Variants in AGAP1 observed in about 807,000 individuals in gnomAD.
AGAP1 encodes the protein ArfGAP with GTPase domain, ankyrin repeat and PH domain 1, also known as arf-GAP with GTPase, ANK repeat and PH domain-containing protein 1.
A neutral mutation model predicts 105.3 loss-of-function variants in AGAP1; 29 were observed. The ratio of observed to expected loss-of-function variants is 0.28; its 90% CI spans 0.21 to 0.38. AGAP1 has a LOEUF of 0.38. Ranked by LOEUF, AGAP1 falls within the 10% of genes least tolerant of loss-of-function variation. AGAP1 has a pLI of 1.00. For missense variants in AGAP1, 998 were observed against 1,165.1 expected (o/e 0.86, Z 2.09); for synonymous variants, 509 against 485.9 (o/e 1.05, Z -0.63).
chr2:235,860,483 T>G (rs1324180438), intron 9 of AGAP1, among the ~76,000 whole-genome samples: 1 of 152,208 alleles, frequency 6.6e-6, no homozygotes, highest in African/African-American at 2.4e-5. Flanking sequence ...CAGATACGTA[T>G]TTTATTAATG....
intron 9 of AGAP1, among the ~76,000 whole-genome samples, chr2:235,810,833 CTTTTTTTTTT>C (rs76910320): frequency 2.7e-4 from 30 of 113,126 alleles, no homozygotes; most frequent in African/African-American, 9.9e-4. Context: ...AATTCGGTTT[CTTTTTTTTTT>C]TTTTTTTTTT....
chr2:235,650,507 T>C (rs977040777), intron 1 of AGAP1, among the ~76,000 whole-genome samples: 1 of 152,162 alleles, frequency 6.6e-6, no homozygotes, highest in Non-Finnish European at 1.5e-5. Context: ...TTGAGCATGC[T>C]CTGTTTCAGT....
rs2052505791 is a variant in AGAP1 at position 235,927,411 on chromosome 2, G to A, written c.1325-3354G>A. ...ATTGGACTTGTCCTTGTATTTTGAT[G>A]GACAGACAGAAGTTTGAAAACCAGT... On this transcript the variant is annotated intron_variant, in intron 11 of 17. Transcript: ENST00000304032. This position sits in a 1 kb window ranked among gnomAD's most constrained non-coding sequence, Gnocchi z 4.4. 6.6e-6 allele frequency among the ~76,000 whole-genome samples: 1 copy of A among 152,168 alleles called. No homozygotes were observed. Among genetic ancestry groups the A allele is most frequent in the African/African-American group, 2.4e-5 (1 of 41,446 alleles).
At position 235,552,016 on chromosome 2, in the gene AGAP1, G is replaced by GC. The variant is rs781321216; in HGVS notation, c.163+57167_163+57168insC. 1.7e-4 allele frequency among the ~76,000 whole-genome samples: 26 copies of GC among 152,220 alleles called. No individual in the cohort carries two copies. The highest frequency in any genetic ancestry group is 3.4e-4 in the Non-Finnish European group (23 of 68,036). ...CTCTAGTTGGAGTTGTAGAGCTAATGTTTTTTTCTCTGGTCCCTGCCACCT... is the reference window on the plus strand; with the variant it reads ...CTCTAGTTGGAGTTGTAGAGCTAATGCTTTTTTTCTCTGGTCCCTGCCACCT... On this transcript the variant is annotated intron_variant, in intron 1 of 17. Coordinates refer to ENST00000304032, the MANE Select transcript of AGAP1 (RefSeq NM_001037131.3). This position sits in a 1 kb window ranked among gnomAD's most constrained non-coding sequence, Gnocchi z 5.9.
At chr2:235,699,234 G>C (rs1015760820) in intron 1 of AGAP1, among the ~76,000 whole-genome samples, 4 of 152,142 alleles carry the variant, frequency 2.6e-5, no homozygotes, top group African/African-American at 7.2e-5. Flanking sequence ...GGATGAGCTG[G>C]GTCAGGGGGA....
At chr2:236,049,506 T>G in intron 16 of AGAP1, 1 of 475,490 alleles carries the variant, frequency 2.1e-6, no homozygotes, top group Non-Finnish European at 3.7e-6. Context: ...GCCTGGGGAT[T>G]TCTCTCCCCC....
At chr2:235,722,590 T>G (rs947894874) in intron 3 of AGAP1, among the ~76,000 whole-genome samples, 1 of 152,122 alleles carries the variant, frequency 6.6e-6, no homozygotes, top group Non-Finnish European at 1.5e-5. Context: ...GTCCAAACTT[T>G]TTCTTATAAG....
At chr2:235,590,696 T>TGCGTGC (rs1559272075) in intron 1 of AGAP1, among the ~76,000 whole-genome samples, 1 of 114,578 alleles carries the variant, frequency 8.7e-6, no homozygotes, top group African/African-American at 3.3e-5. Flanking sequence ...CGTGTGCGTG[T>TGCGTGC]GTGTGTGTGT....
chr2:235,664,429 G>A lies in AGAP1; in HGVS notation c.164-44750G>A, dbSNP rs1361209145. ...AAAAAGATTTCACCATGTTGGCCAG[G>A]CTGGTCTCAAACTCCTGATCTCAGG... On this transcript the variant is annotated intron_variant, in intron 1 of 17. Transcript: ENST00000304032. This position sits in a 1 kb window ranked among gnomAD's most constrained non-coding sequence, Gnocchi z 5.7. Among the ~76,000 whole-genome samples, 5 of 152,004 alleles carry A rather than the reference G, an allele frequency of 3.3e-5. No individual in the cohort carries two copies. Among genetic ancestry groups the A allele is most frequent in the Non-Finnish European group, 7.3e-5 (5 of 68,032 alleles).
intron 1 of AGAP1, chr2:235,669,705 G>T (rs1294938371): frequency 6.7e-6 from 1 of 148,436 alleles, no homozygotes; most frequent in African/African-American, 2.4e-5. Flanking sequence ...GGGAGTGGCG[G>T]AGGCTGCGGA....
Position 235,891,763 on chromosome 2 carries a change from C to T in AGAP1, c.1155+8314C>T, listed in dbSNP as rs2050557248. Among the ~76,000 whole-genome samples the T allele has an allele frequency of 6.6e-6, 1 of 152,174 alleles. No homozygotes were observed. The highest frequency in any genetic ancestry group is 2.1e-4 in the South Asian group (1 of 4,828). On this transcript the variant is annotated intron_variant, in intron 10 of 17. Coordinates refer to ENST00000304032, the MANE Select transcript of AGAP1 (RefSeq NM_001037131.3). The surrounding 1 kb of genome is among the most constrained non-coding windows in gnomAD (Gnocchi z 4.2). ...AAGCTCACCAGTGTTCCGGTCCTGG[C>T]TCTCTGGGCTTCCTCAGGAGGTCGT... is the stretch of plus-strand genomic sequence containing the variant.
intron 1 of AGAP1, among the ~76,000 whole-genome samples, chr2:235,510,048 T>A (rs1942005922): frequency 6.6e-6 from 1 of 152,176 alleles, no homozygotes; most frequent in Non-Finnish European, 1.5e-5. Flanking sequence ...TGTCACTGTC[T>A]CCTGTCCCCC....
At chr2:235,791,220 T>G (rs1257344616) in intron 6 of AGAP1, among the ~76,000 whole-genome samples, 1 of 150,868 alleles carries the variant, frequency 6.6e-6, no homozygotes, top group African/African-American at 2.4e-5. Context: ...CTGAACTATA[T>G]AGATAATTTG....
At chr2:236,024,814 C>T (rs896346741) in intron 13 of AGAP1, among the ~76,000 whole-genome samples, 5 of 152,170 alleles carry the variant, frequency 3.3e-5, no homozygotes, top group East Asian at 1.9e-4. Flanking sequence ...TTATTAATGT[C>T]GTTTGGAATA....
intron 13 of AGAP1, among the ~76,000 whole-genome samples, chr2:235,972,483 G>T (rs2054690400): frequency 6.6e-6 from 1 of 152,166 alleles, no homozygotes; most frequent in Non-Finnish European, 1.5e-5. Context: ...GGGAGAAAGT[G>T]GGTTTGGTGT....
At chr2:235,778,811 A>G (rs944997842) in intron 6 of AGAP1, among the ~76,000 whole-genome samples, 2 of 152,116 alleles carry the variant, frequency 1.3e-5, no homozygotes, top group Non-Finnish European at 2.9e-5. Flanking sequence ...ATCAGGAACA[A>G]CCACATCTAG....
rs2125876595 is a variant in AGAP1, at chr2:236,092,999, C to T, written c.2115-27193C>T. On this transcript the variant is annotated intron_variant, in intron 16 of 17. Coordinates refer to ENST00000304032, the MANE Select transcript of AGAP1 (RefSeq NM_001037131.3). The surrounding 1 kb of genome is among the most constrained non-coding windows in gnomAD (Gnocchi z 4.7). ...GCATCTAAAAGAATAGTGTTGGTGG[C>T]AGTTTATGTGACACATTTAATTTTT... Among the ~76,000 whole-genome samples, 1 of 152,304 alleles carries T rather than the reference C, an allele frequency of 6.6e-6. No homozygotes were observed. The highest frequency in any genetic ancestry group is 1.9e-4 in the East Asian group (1 of 5,178).
chr2:235,933,787 TC>T (rs1392619461), intron 12 of AGAP1, among the ~76,000 whole-genome samples: 1 of 152,164 alleles, frequency 6.6e-6, no homozygotes, highest in African/African-American at 2.4e-5. Context: ...CGCCTTGGCC[TC>T]CCAAAGTGCT....
intron 1 of AGAP1, among the ~76,000 whole-genome samples, chr2:235,651,325 C>G (rs1189851930): frequency 6.6e-6 from 1 of 150,674 alleles, no homozygotes; most frequent in Admixed American, 6.7e-5. Flanking sequence ...ACTGAGAAAA[C>G]GATCTGCCAG....
Sources: gnomAD v4.1 joint callset for allele counts (sites outside exome capture counted in the v4.1 genomes callset) on GRCh38, gnomAD v4.1.1 for gene constraint, Gnocchi (gnomAD v3.1) non-coding constraint, MANE v1.5 for transcripts, NCBI Gene and HGNC (gene_info 2026-07-23, HGNC 2026-07-21) for gene names.